MIAT: variants seen among roughly 807,000 people sequenced by gnomAD.
MIAT encodes the protein myocardial infarction associated transcript.
At chr22:26,661,933 T>G (rs1387504825) in intron 2 of MIAT, among the ~76,000 whole-genome samples, 1 of 25,266 alleles carries the variant, frequency 4.0e-5, no homozygotes, top group African/African-American at 2.4e-4. Flanking sequence ...TATATATATA[T>G]ATATATATAT....
intron 2 of MIAT, among the ~76,000 whole-genome samples, chr22:26,651,475 T>G (rs1023974765): frequency 2.6e-5 from 4 of 152,174 alleles, no homozygotes; most frequent in Admixed American, 2.6e-4. Flanking sequence ...ACCTTGCTAC[T>G]GACTCCATAA....
At chr22:26,658,583 C>T (rs1216164934) in intron 2 of MIAT, among the ~76,000 whole-genome samples, 1 of 152,196 alleles carries the variant, frequency 6.6e-6, no homozygotes, top group Non-Finnish European at 1.5e-5. Context: ...CCAGACCTTT[C>T]CCCTCTTCCA....
Position 26,647,374 on chromosome 22 carries a change from GGAGAGAGAGAGAGAGA to G in MIAT, n.646+100_646+115del, listed in dbSNP as rs55740419. ...TGGGGGCGGCGGGGACGTGGGGGGT[GGAGAGAGAGAGAGAGA>G]GAGAGAGAGAGAGAGAGAGAGAGAG... On this transcript the variant is annotated intron_variant and non_coding_transcript_variant, in intron 2 of 5. Transcript: ENST00000643270. 1.7e-3 allele frequency: 222 copies of G among 126,966 alleles called. 2 individuals carry two copies. The highest frequency in any genetic ancestry group is 6.7e-3 in the East Asian group (47 of 7,004). The allele number at this position is 126,966 out of a possible 1,614,324, so 7.9% of individuals were successfully genotyped here.
intron 5 of MIAT, chr22:26,667,735 G>A (rs1930905614): frequency 5.8e-6 from 1 of 171,722 alleles, no homozygotes; most frequent in Non-Finnish European, 1.2e-5. Context: ...CTAGAGTACA[G>A]TGTTATGATC....
downstream of MIAT, chr22:26,670,414 C>T (rs540008407): frequency 6.7e-4 from 265 of 398,240 alleles, 1 homozygote; most frequent in Middle Eastern, 2.5e-3. Flanking sequence ...AAACAGTCTA[C>T]TGAGGCACAA....
intron 2 of MIAT, among the ~76,000 whole-genome samples, chr22:26,661,663 A>T (rs1363506687): frequency 6.6e-6 from 1 of 151,980 alleles, no homozygotes; most frequent in Non-Finnish European, 1.5e-5. Flanking sequence ...TCAGGATGTC[A>T]ACCCGTATCT....
intron 2 of MIAT, among the ~76,000 whole-genome samples, chr22:26,650,018 G>C (rs141878060): frequency 1.4e-4 from 22 of 152,384 alleles, no homozygotes; most frequent in Admixed American, 1.4e-3. Flanking sequence ...CTGAGTTCTA[G>C]TCGCTAACAA....
At chr22:26,669,100 A>C (rs938512153) in exon 6 of MIAT, 2 of 398,476 alleles carry the variant, frequency 5.0e-6, no homozygotes, top group Non-Finnish European at 8.8e-6. Flanking sequence ...TTCTTGGGGA[A>C]CAGAAGGTGG....
At chr22:26,672,895 C>G (rs1488311205), downstream of MIAT, 2 of 398,366 alleles carry the variant, frequency 5.0e-6, no homozygotes, top group African/African-American at 2.1e-5. Context: ...TTTCTGACAC[C>G]GGAAGTCAGT....
chr22:26,653,531 A>G (rs1355293097), intron 2 of MIAT, among the ~76,000 whole-genome samples: 1 of 152,194 alleles, frequency 6.6e-6, no homozygotes, highest in Non-Finnish European at 1.5e-5. Flanking sequence ...AGGCTAGGAT[A>G]ATTTTAGAGC....
intron 5 of MIAT, chr22:26,667,405 T>C (rs1292096084): frequency 5.4e-6 from 2 of 370,968 alleles, no homozygotes; most frequent in Non-Finnish European, 9.5e-6. Context: ...CGTGCATGTG[T>C]GTGCGCGTGT....
chr22:26,661,937 T>TGG (rs1555948788), intron 2 of MIAT, among the ~76,000 whole-genome samples: 1 of 38,116 alleles, frequency 2.6e-5, no homozygotes, highest in East Asian at 2.3e-3. Flanking sequence ...TATATATATA[T>TGG]ATATATATAT....
chr22:26,675,477 G>T, exon 5 of MIAT: 1 of 398,658 alleles, frequency 2.5e-6, no homozygotes, highest in Non-Finnish European at 4.4e-6. Flanking sequence ...ACTCAGAGGA[G>T]TTTGCAATGG....
At chr22:26,674,451 A>G, downstream of MIAT, 1 of 398,704 alleles carries the variant, frequency 2.5e-6, no homozygotes, top group Non-Finnish European at 4.4e-6. Flanking sequence ...GGCCTGGAGG[A>G]TTGGATCAGT....
intron 2 of MIAT, among the ~76,000 whole-genome samples, chr22:26,662,093 G>A (rs1318028018): frequency 6.6e-6 from 1 of 151,506 alleles, no homozygotes; most frequent in Non-Finnish European, 1.5e-5. Flanking sequence ...AATAGCCACA[G>A]GCACAGGTAC....
chr22:26,647,598 T>G (rs545892446), intron 2 of MIAT, among the ~76,000 whole-genome samples: 23 of 152,014 alleles, frequency 1.5e-4, no homozygotes, highest in Non-Finnish European at 2.8e-4. Context: ...TGCTGAATGA[T>G]GAGGGTGGAA....
chr22:26,675,835 C>T, exon 5 of MIAT: 1 of 398,558 alleles, frequency 2.5e-6, no homozygotes, highest in Non-Finnish European at 4.4e-6. Flanking sequence ...TGATCCTGGT[C>T]CCAGAGAGGG....
At chr22:26,669,697 G>A (rs536151791), downstream of MIAT, 160 of 399,144 alleles carry the variant, frequency 4.0e-4, 1 homozygote, top group African/African-American at 2.8e-3. Flanking sequence ...CAGAATTCCC[G>A]CCCCCACCCA....
chr22:26,671,873 C>A, downstream of MIAT: 1 of 398,530 alleles, frequency 2.5e-6, no homozygotes, highest in Non-Finnish European at 4.4e-6. Context: ...CCCCTCAAAC[C>A]TGGTTGAACA....
Sources: gnomAD v4.1 joint callset for allele counts (sites outside exome capture counted in the v4.1 genomes callset) on GRCh38, gnomAD v4.1.1 for gene constraint, MANE v1.5 for transcripts, NCBI Gene and HGNC (gene_info 2026-07-23, HGNC 2026-07-21) for gene names.